The following METTL15 variants were observed in gnomAD, a reference collection of about 807,000 sequenced individuals.
The protein encoded by METTL15 is 12S rRNA N(4)-cytidine methyltransferase METTL15.
A neutral mutation model predicts 38.3 loss-of-function variants in METTL15; 34 were observed. That is an observed-to-expected ratio of 0.89 (90% confidence interval 0.68 to 1.18). METTL15 has a LOEUF of 1.18. Ranked by LOEUF, METTL15 falls within the 50% of genes most tolerant of loss-of-function variation. The pLI, the probability that METTL15 is intolerant of heterozygous loss-of-function variation, is 0.00. For missense variants in METTL15, 438 were observed against 498.4 expected (o/e 0.88, Z 1.15); for synonymous variants, 162 against 170.9 (o/e 0.95, Z 0.41).
rs779214027 is a variant in METTL15 at position 28,159,614 on chromosome 11, T to C, written c.270+46010T>C. The stretch of plus-strand genomic sequence containing the variant: ...TTTCCCCCTTCTTTTGTTAAAAACA[T>C]GTTTGTGCATGTATACACTTGTACT... On this transcript the variant is annotated intron_variant, in intron 3 of 6. Coordinates refer to ENST00000407364, the MANE Select transcript of METTL15 (RefSeq NM_001113528.2). Among the ~76,000 whole-genome samples the C allele has an allele frequency of 3.3e-5, 5 of 152,306 alleles. No homozygotes were observed. The South Asian group carries it at 8.3e-4, about 25-fold the overall frequency.
At chr11:28,272,023 A>C (rs565919886) in intron 4 of METTL15, among the ~76,000 whole-genome samples, 1 of 152,196 alleles carries the variant, frequency 6.6e-6, no homozygotes. Flanking sequence ...ATGAGATACC[A>C]TTTCACGCCA....
chr11:28,318,676 A>G (rs1479006529), intron 6 of METTL15, among the ~76,000 whole-genome samples: 1 of 152,052 alleles, frequency 6.6e-6, no homozygotes, highest in African/African-American at 2.4e-5. Flanking sequence ...CTTTTATTAC[A>G]TTTGTATACA....
At chr11:28,111,108 G>A (rs980832974) in intron 2 of METTL15, among the ~76,000 whole-genome samples, 3 of 152,110 alleles carry the variant, frequency 2.0e-5, no homozygotes, top group African/African-American at 4.8e-5. Context: ...GAAACAAGAG[G>A]CAAATGAACT....
chr11:28,479,652 T>C (rs1459154533), intron 6 of METTL15, among the ~76,000 whole-genome samples: 2 of 152,176 alleles, frequency 1.3e-5, no homozygotes, highest in Non-Finnish European at 2.9e-5. Context: ...ATAAATGATA[T>C]GGCCTTTGAG....
At position 28,431,339 on chromosome 11, in the gene METTL15, G is replaced by T. The variant is rs1277954836; in HGVS notation, c.*424+6975G>T. 4.4e-5 allele frequency among the ~76,000 whole-genome samples: 6 copies of T among 136,360 alleles called. No individual in the cohort carries two copies. In the South Asian group the frequency reaches 1.2e-3, roughly 28 times the overall value. 89.5% of individuals were successfully genotyped at this position (136,360 alleles called of 152,430 possible). ...AATGGCGGCTTTGTGGAATAGAAAGGCGGGAAAGGTGGGGAAAAGATTGAG... is the reference window on the plus strand; with the variant it reads ...AATGGCGGCTTTGTGGAATAGAAAGTCGGGAAAGGTGGGGAAAAGATTGAG... On this transcript the variant is annotated intron_variant and NMD_transcript_variant, in intron 6 of 7. Transcript: ENST00000532947.
intron 5 of METTL15, among the ~76,000 whole-genome samples, chr11:28,378,995 A>T (rs1205231323): frequency 6.6e-6 from 1 of 151,828 alleles, no homozygotes; most frequent in African/African-American, 2.4e-5. Flanking sequence ...TAGGTTTTCT[A>T]ATTTATTAGC....
At chr11:28,456,793 A>G (rs1272831306) in intron 6 of METTL15, among the ~76,000 whole-genome samples, 1 of 152,148 alleles carries the variant, frequency 6.6e-6, no homozygotes, top group African/African-American at 2.4e-5. Context: ...ACGTGTGTGT[A>G]ATCTGGTAGG....
chr11:28,191,830 A>G (rs1851710888), intron 3 of METTL15, among the ~76,000 whole-genome samples: 1 of 151,740 alleles, frequency 6.6e-6, no homozygotes, highest in South Asian at 2.1e-4. Flanking sequence ...TACCTAAAAC[A>G]ATTAACATAA....
intron 6 of METTL15, among the ~76,000 whole-genome samples, chr11:28,301,606 GA>G (rs1358027740): frequency 4.0e-5 from 6 of 151,752 alleles, no homozygotes; most frequent in African/African-American, 9.7e-5. Context: ...GACTTAGTTT[GA>G]AAAAAATTAT....
chr11:28,329,275 AT>A (rs1384637489), intron 6 of METTL15, among the ~76,000 whole-genome samples: 66 of 152,122 alleles, frequency 4.3e-4, no homozygotes, highest in African/African-American at 1.6e-3. Context: ...GTATGGGTTT[AT>A]TTCTTGACTC....
intron 4 of METTL15, among the ~76,000 whole-genome samples, chr11:28,213,196 A>G (rs779863817): frequency 1.3e-5 from 2 of 152,204 alleles, no homozygotes; most frequent in African/African-American, 2.4e-5. Context: ...AACATAATAA[A>G]TTAGATAAGA....
chr11:28,208,094 T>G (rs1257126118), intron 3 of METTL15, among the ~76,000 whole-genome samples: 1 of 152,150 alleles, frequency 6.6e-6, no homozygotes, highest in African/African-American at 2.4e-5. Flanking sequence ...AAGGGTTTTT[T>G]ATGTCTCTAT....
downstream of METTL15, among the ~76,000 whole-genome samples, chr11:28,528,732 T>C (rs1324637613): frequency 6.6e-6 from 1 of 152,218 alleles, no homozygotes; most frequent in Non-Finnish European, 1.5e-5. Flanking sequence ...GTGGTATGTG[T>C]GTTTGTATCG....
chr11:28,216,550 T>C (rs1216478078), intron 4 of METTL15, among the ~76,000 whole-genome samples: 27 of 152,086 alleles, frequency 1.8e-4, no homozygotes, highest in Admixed American at 1.8e-3. Flanking sequence ...ATACACAATC[T>C]AGTAGTGAGA....
intron 4 of METTL15, among the ~76,000 whole-genome samples, chr11:28,230,828 T>G (rs554843518): frequency 6.6e-6 from 1 of 151,976 alleles, no homozygotes; most frequent in East Asian, 1.9e-4. Context: ...GAATGCAATC[T>G]AAATTTAATG....
intron 3 of METTL15, among the ~76,000 whole-genome samples, chr11:28,114,851 CTG>C (rs1171292189): frequency 6.6e-6 from 1 of 152,130 alleles, no homozygotes; most frequent in African/African-American, 2.4e-5. Flanking sequence ...CTGTGACAAA[CTG>C]TTTCTCAGAG....
intron 4 of METTL15, among the ~76,000 whole-genome samples, chr11:28,246,775 T>C (rs531565756): frequency 6.6e-5 from 10 of 152,242 alleles, no homozygotes; most frequent in Admixed American, 1.3e-4. Context: ...GTAATGTCTG[T>C]GAGCAAGGGT....
Position 28,211,124 on chromosome 11 carries a change from A to G in METTL15, c.333A>G (p.Ser111=), listed in dbSNP as rs147714350. 5 of 1,612,772 alleles carry G rather than the reference A, an allele frequency of 3.1e-6. No individual in the cohort carries two copies. The African/African-American group carries it at 5.3e-5, about 17-fold the overall frequency. The change falls in exon 4 of 7, where the codon TCA becomes TCG. Residue 111 remains serine, a synonymous_variant. Transcript: ENST00000407364. ...CAAAAGCCATTCTGCAGAAGGAGTC[A>G]GATATTGTTCTCTATGCCTTGGACA... is the stretch of plus-strand genomic sequence containing the variant. ...GHTKAILQKE[S]DIVLYALDRD...
intron 2 of METTL15, among the ~76,000 whole-genome samples, chr11:28,112,210 G>T (rs972102730): frequency 6.6e-6 from 1 of 152,132 alleles, no homozygotes; most frequent in Middle Eastern, 3.2e-3. Flanking sequence ...ATGGTTTTTG[G>T]TGGGGTCAGT....
Sources: allele counts gnomAD v4.1 joint callset (sites outside exome capture counted in the v4.1 genomes callset), GRCh38; gene constraint gnomAD v4.1.1; transcripts MANE v1.5; gene names NCBI Gene and HGNC (gene_info 2026-07-23, HGNC 2026-07-21).